The following QKI variants were observed in gnomAD, a reference collection of about 807,000 sequenced individuals.
QKI encodes the protein KH domain-containing RNA-binding protein QKI.
In QKI, 10 loss-of-function variants were observed where a neutral mutation model predicts 39.0. The ratio of observed to expected loss-of-function variants is 0.26; its 90% CI spans 0.16 to 0.43. The LOEUF is 0.43. Ranked by LOEUF, QKI falls within the 20% of genes least tolerant of loss-of-function variation. The probability of loss-of-function intolerance (pLI) is 1.00; values close to 1 mark genes in which losing one functional copy is unlikely to be tolerated. For synonymous variants in QKI, 204 were observed against 155.4 expected, an observed-to-expected ratio of 1.31 and a Z score of -2.33; for missense variants, 218 against 428.0, an observed-to-expected ratio of 0.51 and a Z score of 4.33.
At chr6:163,545,168 T>G (rs1486529558) in intron 4 of QKI, among the ~76,000 whole-genome samples, 1 of 152,122 alleles carries the variant, frequency 6.6e-6, no homozygotes, top group Admixed American at 6.6e-5. Context: ...GGAAAAATGA[T>G]GGCGGAGAAA....
chr6:163,566,820 T>A, intron 7 of QKI, 25 bp downstream of exon 7: 2 of 1,611,846 alleles, frequency 1.2e-6, no homozygotes, highest in East Asian at 2.2e-5. Context: ...GCAGTTCTTG[T>A]CTATAAGAAA....
intron 3 of QKI, among the ~76,000 whole-genome samples, chr6:163,487,154 C>T (rs1777734061): frequency 6.6e-6 from 1 of 150,598 alleles, no homozygotes; most frequent in South Asian, 2.1e-4. Context: ...ATACTTAGCT[C>T]TCTGACAAGC....
chr6:163,445,191 A>G (rs948057198), intron 1 of QKI, among the ~76,000 whole-genome samples: 2 of 152,210 alleles, frequency 1.3e-5, no homozygotes, highest in African/African-American at 4.8e-5. Context: ...ATGTTAACTC[A>G]TATAATCATA....
Position 163,571,635 on chromosome 6 carries a change from G to GATACTTTTACTATACTATACT in QKI, c.*940_*941insTATACTATACTTTTACTATAC, listed in dbSNP as rs1783706152. The stretch of plus-strand genomic sequence containing the variant: ...CATTGAAACAAATGAACAAAAAGTA[G>GATACTTTTACTATACTATACT]ATACTTTTACTATACAAGGGTGCTG... On this transcript the variant is annotated 3_prime_UTR_variant, in exon 8 of 8. Transcript: ENST00000361752. 1 of 150,850 alleles carries GATACTTTTACTATACTATACT rather than the reference G, an allele frequency of 6.6e-6. No individual in the cohort carries two copies. The highest frequency in any genetic ancestry group is 1.5e-5 in the Non-Finnish European group (1 of 67,744). The allele number at this position is 150,850 out of a possible 1,614,324, so 9.3% of individuals were successfully genotyped here. A position where few individuals can be genotyped will look rare whatever the true frequency, so the allele number is the denominator to read the frequency against.
chr6:163,563,858 T>G, intron 6 of QKI, 139 bp downstream of exon 6: 1 of 1,447,780 alleles, frequency 6.9e-7, no homozygotes, highest in Middle Eastern at 2.6e-4. Context: ...AATTTTGTTT[T>G]ATTTCAGCCT....
At chr6:163,483,108 A>G (rs567267204) in intron 3 of QKI, among the ~76,000 whole-genome samples, 2 of 152,362 alleles carry the variant, frequency 1.3e-5, no homozygotes, top group African/African-American at 4.8e-5. Context: ...TAGTGCATAT[A>G]AAAGTTATGT....
chr6:163,534,355 C>T (rs1427461276), intron 3 of QKI, among the ~76,000 whole-genome samples: 4 of 152,010 alleles, frequency 2.6e-5, no homozygotes, highest in East Asian at 1.9e-4. Context: ...TCATAATTAC[C>T]GCATGAAATA....
At chr6:163,431,839 A>T (rs957341289) in intron 1 of QKI, among the ~76,000 whole-genome samples, 1 of 151,858 alleles carries the variant, frequency 6.6e-6, no homozygotes, top group African/African-American at 2.4e-5. Flanking sequence ...ATTAAAAAAA[A>T]AAAAAAACCC....
chr6:163,444,194 G>T (rs1789973385), intron 1 of QKI, among the ~76,000 whole-genome samples: 1 of 152,176 alleles, frequency 6.6e-6, no homozygotes, highest in Non-Finnish European at 1.5e-5. Context: ...CCTGTAGGGG[G>T]TCAGTACAGA....
chr6:163,468,061 A>G (rs1390114721), intron 2 of QKI, among the ~76,000 whole-genome samples: 2 of 152,186 alleles, frequency 1.3e-5, no homozygotes, highest in Non-Finnish European at 2.9e-5. Flanking sequence ...ACATACTTGT[A>G]TAAGATAGGC....
rs575089778 is a variant in QKI, at chr6:163,492,576, C to T, written c.402+13680C>T. On this transcript the variant is annotated intron_variant, in intron 3 of 7. Coordinates refer to ENST00000361752, the MANE Select transcript of QKI (RefSeq NM_006775.3). The stretch of plus-strand genomic sequence containing the variant: ...ATGTTTTTAAAAAGGTCTGCAAAAA[C>T]TTAAGATTTTTGGTGAATTAAAATA... Among the ~76,000 whole-genome samples, 17 of 152,116 alleles carry T rather than the reference C, an allele frequency of 1.1e-4. No homozygotes were observed. The South Asian group carries it at 1.9e-3, about 17-fold the overall frequency.
chr6:163,561,387 A>AC (rs1319934160), intron 4 of QKI, among the ~76,000 whole-genome samples: 4 of 152,134 alleles, frequency 2.6e-5, no homozygotes, highest in Non-Finnish European at 5.9e-5. Flanking sequence ...CAGGAGGATC[A>AC]CTTGAAGCCA....
rs139157238 is a variant in QKI, at chr6:163,446,099, A to G, written c.143-9180A>G. Among the ~76,000 whole-genome samples the G allele has an allele frequency of 1.7e-3, 265 of 152,286 alleles. 1 individual carries two copies. Among genetic ancestry groups the G allele is most frequent in the African/African-American group, 6.1e-3 (255 of 41,558 alleles). ...ATTTTTGCTAACTAATTTAGCATTC[A>G]TTGAATGATTTTTGTTTGCATTGAT... On this transcript the variant is annotated intron_variant, in intron 1 of 7. Coordinates refer to ENST00000361752, the MANE Select transcript of QKI (RefSeq NM_006775.3).
At chr6:163,533,940 A>T (rs947889030) in intron 3 of QKI, among the ~76,000 whole-genome samples, 3 of 152,226 alleles carry the variant, frequency 2.0e-5, no homozygotes, top group African/African-American at 7.2e-5. Context: ...CAGTTTTATT[A>T]TGCCTGCTTT....
intron 1 of QKI, among the ~76,000 whole-genome samples, chr6:163,421,498 A>T (rs1262406152): frequency 1.3e-5 from 2 of 152,210 alleles, no homozygotes; most frequent in African/African-American, 4.8e-5. Flanking sequence ...CATGCAGGGC[A>T]CAATAGATAG....
At chr6:163,420,301 T>G (rs1787897996) in intron 1 of QKI, among the ~76,000 whole-genome samples, 1 of 151,964 alleles carries the variant, frequency 6.6e-6, no homozygotes. Flanking sequence ...ACTTGAGAAA[T>G]TCGGTGTAGC....
Position 163,491,396 on chromosome 6 carries a change from ATGTT to A in QKI, c.402+12506_402+12509del, listed in dbSNP as rs1411392299. On this transcript the variant is annotated intron_variant, in intron 3 of 7. Transcript: ENST00000361752. ...GTTTAAATGCCAACTGTGACGTGGT[ATGTT>A]TGTTTCAGGATTGTAAACTAGCTCC... 4.6e-4 allele frequency among the ~76,000 whole-genome samples: 70 copies of A among 152,246 alleles called. 1 individual carries two copies. Among genetic ancestry groups the A allele is most frequent in the Admixed American group, 4.5e-3 (69 of 15,284 alleles).
At chr6:163,489,473 T>C (rs1189086189) in intron 3 of QKI, among the ~76,000 whole-genome samples, 1 of 149,648 alleles carries the variant, frequency 6.7e-6, no homozygotes, top group Non-Finnish European at 1.5e-5. Flanking sequence ...GTAAAAGTCA[T>C]TACTGTTATG....
rs1777684696 is a variant in QKI at position 163,578,125 on chromosome 6, C to T, written c.*7415C>T. 6.6e-6 allele frequency: 1 copy of T among 152,070 alleles called. No homozygotes were observed. Among genetic ancestry groups the T allele is most frequent in the South Asian group, 2.1e-4 (1 of 4,826 alleles). 9.4% of individuals were successfully genotyped at this position (152,070 alleles called of 1,614,324 possible). ...TATTTTTACATGCTACACAACAGTT[C>T]CAATTTTAAGGAGTGTCTCCTAAAA... On this transcript the variant is annotated 3_prime_UTR_variant, in exon 8 of 8. Transcript: ENST00000361752.
Sources: allele counts gnomAD v4.1 joint callset (sites outside exome capture counted in the v4.1 genomes callset), GRCh38; gene constraint gnomAD v4.1.1; transcripts MANE v1.5; gene names NCBI Gene and HGNC (gene_info 2026-07-23, HGNC 2026-07-21).